Variants in PCDHA9 observed in about 807,000 individuals in gnomAD.
The protein encoded by PCDHA9 is protocadherin alpha 9.
Under a neutral mutation model 62.0 loss-of-function variants are expected in PCDHA9, and 62 were observed. The observed-to-expected ratio is 1.00, with a 90% CI of 0.81 to 1.23. The LOEUF (loss-of-function observed/expected upper bound fraction) is 1.23. Ranked by LOEUF, PCDHA9 falls within the 50% of genes most tolerant of loss-of-function variation. The pLI is 0.00. For synonymous variants in PCDHA9, 557 were observed against 567.6 expected, an observed-to-expected ratio of 0.98 and a Z score of 0.27; for missense variants, 1,205 against 1,249.8, an observed-to-expected ratio of 0.96 and a Z score of 0.54.
chr5:140,878,252 C>T (rs1250494755), intron 1 of PCDHA9, among the ~76,000 whole-genome samples: 26 of 152,184 alleles, frequency 1.7e-4, no homozygotes, highest in African/African-American at 3.1e-4. Context: ...CTCTTCCTCA[C>T]GTGCTTAGGC....
At chr5:140,937,866 C>T (rs892440956) in intron 1 of PCDHA9, among the ~76,000 whole-genome samples, 4 of 150,734 alleles carry the variant, frequency 2.7e-5, no homozygotes, top group African/African-American at 4.9e-5. Flanking sequence ...GAGCCGAGAT[C>T]GCGCCACTGC....
Position 140,857,494 on chromosome 5 carries a change from C to A in PCDHA9, c.2394+6605C>A, listed in dbSNP as rs189056024. Reference sequence around the variant, plus strand: ...TCACGGTGTCTGCGTGGGACGCGGACGCGCAGGAGAACGCCCTGGTGTCCT... The same window carrying A: ...TCACGGTGTCTGCGTGGGACGCGGAAGCGCAGGAGAACGCCCTGGTGTCCT... On this transcript the variant is annotated intron_variant, in intron 1 of 3. Coordinates refer to ENST00000532602, the MANE Select transcript of PCDHA9 (RefSeq NM_031857.2). 3.8e-5 allele frequency: 60 copies of A among 1,598,330 alleles called. 2 individuals are homozygous for A. In the East Asian group the frequency reaches 1.2e-3, roughly 32 times the overall value.
chr5:140,928,801 G>T (rs1554206325), intron 1 of PCDHA9: 1 of 1,614,066 alleles, frequency 6.2e-7, no homozygotes, highest in African/African-American at 1.3e-5. Flanking sequence ...GGTGGTGGTA[G>T]TGGTTCGGGA....
chr5:140,975,612 C>T (rs1554236918), intron 1 of PCDHA9, among the ~76,000 whole-genome samples: 1 of 152,194 alleles, frequency 6.6e-6, no homozygotes, highest in Non-Finnish European at 1.5e-5. Flanking sequence ...ATGTCTTCCA[C>T]ATGGATTTCC....
intron 1 of PCDHA9, among the ~76,000 whole-genome samples, chr5:140,955,464 T>C (rs563782102): frequency 2.0e-5 from 3 of 152,218 alleles, no homozygotes; most frequent in South Asian, 2.1e-4. Context: ...TTTTTCCTTT[T>C]TGCTTGGCAC....
chr5:140,863,783 G>C, intron 1 of PCDHA9: 1 of 226,522 alleles, frequency 4.4e-6, no homozygotes, highest in Non-Finnish European at 8.8e-6. Context: ...CGGATCACTC[G>C]AGGCCAGGAG....
At chr5:140,871,049 T>A in intron 1 of PCDHA9, 4 of 1,613,302 alleles carry the variant, frequency 2.5e-6, no homozygotes, top group Non-Finnish European at 3.4e-6. Flanking sequence ...CTTCTAGTAC[T>A]GGTGAAGGAT....
At position 140,869,037 on chromosome 5, in the gene PCDHA9, C is replaced by T. The variant is rs547872988; in HGVS notation, c.2394+18148C>T. 8.6e-5 allele frequency: 132 copies of T among 1,528,404 alleles called. No individual in the cohort carries two copies. In the East Asian group the frequency reaches 2.7e-3, roughly 31 times the overall value. The allele number at this position is 1,528,404 out of a possible 1,614,324, so 94.7% of individuals were successfully genotyped here. ...CTTAAGAATTCAACGAGATTTTTAA[C>T]CTGAAACTGAAGAATCTGGTACTGT... On this transcript the variant is annotated intron_variant, in intron 1 of 3. Coordinates refer to ENST00000532602, the MANE Select transcript of PCDHA9 (RefSeq NM_031857.2).
intron 1 of PCDHA9, among the ~76,000 whole-genome samples, chr5:140,959,626 AAG>A (rs529579902): frequency 6.2e-4 from 95 of 152,334 alleles, no homozygotes; most frequent in African/African-American, 2.0e-3. Context: ...GATAGAAAAA[AAG>A]AGAGAAAAAA....
At chr5:140,966,528 G>C in intron 1 of PCDHA9, 1 of 446,634 alleles carries the variant, frequency 2.2e-6, no homozygotes, top group Non-Finnish European at 3.9e-6. Context: ...AGCCGAGCCG[G>C]GTTGAGCGAC....
chr5:140,921,716 A>C (rs1554200396), intron 1 of PCDHA9, among the ~76,000 whole-genome samples: 1 of 152,202 alleles, frequency 6.6e-6, no homozygotes, highest in Non-Finnish European at 1.5e-5. Context: ...TAAACACACG[A>C]ATTACTCCCA....
Position 140,849,693 on chromosome 5 carries a change from A to T in PCDHA9, c.1198A>T (p.Thr400Ser), listed in dbSNP as rs2150445321. 1 of 1,598,584 alleles carries T rather than the reference A, an allele frequency of 6.3e-7. No individual in the cohort carries two copies. The highest frequency in any genetic ancestry group is 1.1e-5 in the South Asian group (1 of 90,542). ...TPHVPFKLVS[T>S]YKNYYSLVLD... ...CCACGTCCCCTTCAAGCTGGTGTCC[A>T]CCTACAAGAATTACTACTCGTTGGT... Residue 400 changes from threonine (T) to serine (S), a missense_variant, in exon 1 of 4, where the codon ACC (threonine) becomes TCC (serine). By Grantham distance (58) the Thr-to-Ser change is moderately conservative. Transcript: ENST00000532602.
intron 1 of PCDHA9, chr5:140,882,828 A>T: frequency 6.2e-7 from 1 of 1,614,226 alleles, no homozygotes; most frequent in Non-Finnish European, 8.5e-7. Context: ...AACAGTCTTG[A>T]GCAAATGTCT....
chr5:140,859,100 T>C (rs1372747667), intron 1 of PCDHA9: 1 of 150,268 alleles, frequency 6.7e-6, no homozygotes, highest in East Asian at 1.9e-4. Flanking sequence ...ATTATTCACT[T>C]AGCAGAAGAA....
At chr5:140,873,858 A>G (rs1238963531) in intron 1 of PCDHA9, among the ~76,000 whole-genome samples, 9 of 152,022 alleles carry the variant, frequency 5.9e-5, no homozygotes, top group African/African-American at 1.9e-4. Context: ...ATGGGTTTTC[A>G]CCATGTTGGC....
intron 1 of PCDHA9, chr5:140,969,002 T>C (rs201544118): frequency 8.1e-6 from 13 of 1,614,214 alleles, no homozygotes; most frequent in Non-Finnish European, 1.1e-5. Context: ...TGGAGGCTTC[T>C]GTGGAGTAAG....
At chr5:140,856,822 A>G (rs1554149161) in intron 1 of PCDHA9, 4 of 1,593,030 alleles carry the variant, frequency 2.5e-6, no homozygotes, top group Non-Finnish European at 1.7e-6. Flanking sequence ...TGAACCAAAC[A>G]TTAGTAATAC....
chr5:140,889,824 C>A (rs1396428338), intron 1 of PCDHA9, among the ~76,000 whole-genome samples: 3 of 152,102 alleles, frequency 2.0e-5, no homozygotes, highest in African/African-American at 4.8e-5. Context: ...CATAAGAAGT[C>A]TTACAGTATG....
chr5:140,877,419 G>A (rs1554169722), intron 1 of PCDHA9: 1 of 1,613,922 alleles, frequency 6.2e-7, no homozygotes, highest in Non-Finnish European at 8.5e-7. Context: ...GCCTGCTGGT[G>A]CTGGTGAAGG....
Sources: allele counts gnomAD v4.1 joint callset (sites outside exome capture counted in the v4.1 genomes callset), GRCh38; gene constraint gnomAD v4.1.1; transcripts MANE v1.5; gene names NCBI Gene and HGNC (gene_info 2026-07-23, HGNC 2026-07-21).